The following ROBO2 variants were observed in gnomAD, a reference collection of about 807,000 sequenced individuals.
ROBO2 encodes the protein roundabout guidance receptor 2, also known as roundabout homolog 2.
In ROBO2, 53 loss-of-function variants were observed where a neutral mutation model predicts 160.8. That is an observed-to-expected ratio of 0.33 (90% CI 0.26 to 0.41). The LOEUF is 0.41. Among genes scored for constraint, ROBO2 ranks in the 10% least tolerant of loss-of-function variants. ROBO2 has a pLI of 1.00. For synonymous variants in ROBO2, 664 were observed against 611.7 expected, an observed-to-expected ratio of 1.09 and a Z score of -1.26; for missense variants, 1,577 against 1,722.4, an observed-to-expected ratio of 0.92 and a Z score of 1.49.
chr3:77,525,724 A>G (rs1388780557), intron 6 of ROBO2, among the ~76,000 whole-genome samples: 2 of 151,062 alleles, frequency 1.3e-5, no homozygotes, highest in East Asian at 1.9e-4. Flanking sequence ...GAATTATTCT[A>G]TAATAAAATA....
chr3:76,245,269 T>G (rs1458722239), intron 2 of ROBO2, among the ~76,000 whole-genome samples: 1 of 152,218 alleles, frequency 6.6e-6, no homozygotes, highest in East Asian at 1.9e-4. Flanking sequence ...GGCCAGAGCT[T>G]GAACCCTTTT....
chr3:77,399,605 T>C (rs1162860486), intron 2 of ROBO2, among the ~76,000 whole-genome samples: 2 of 152,144 alleles, frequency 1.3e-5, no homozygotes, highest in African/African-American at 4.8e-5. Context: ...AACATGTGGT[T>C]AGACCATATA....
intron 2 of ROBO2, among the ~76,000 whole-genome samples, chr3:76,376,836 G>C (rs2076370645): frequency 6.6e-6 from 1 of 152,102 alleles, no homozygotes; most frequent in African/African-American, 2.4e-5. Context: ...GAGGATTTTA[G>C]CTCCTGATCT....
intron 2 of ROBO2, among the ~76,000 whole-genome samples, chr3:76,446,171 T>C (rs113561278): frequency 0.046 from 7,009 of 152,248 alleles, 492 homozygotes; most frequent in African/African-American, 0.15. Context: ...CTCCTTAATC[T>C]GATAAGCAAC....
intron 2 of ROBO2, among the ~76,000 whole-genome samples, chr3:76,035,346 C>T (rs1017354481): frequency 1.3e-5 from 2 of 151,978 alleles, no homozygotes; most frequent in African/African-American, 4.8e-5. Flanking sequence ...TGTTCTAAGA[C>T]AGATGCATAA....
chr3:77,031,697 TATA>T (rs1408562473), intron 2 of ROBO2, among the ~76,000 whole-genome samples: 1 of 146,902 alleles, frequency 6.8e-6, no homozygotes, highest in Admixed American at 6.9e-5. Context: ...TTAATTATAA[TATA>T]ATACATTATA....
intron 2 of ROBO2, among the ~76,000 whole-genome samples, chr3:76,944,971 C>T (rs1404122001): frequency 6.6e-6 from 1 of 151,906 alleles, no homozygotes; most frequent in East Asian, 1.9e-4. Flanking sequence ...TCACTGCAAA[C>T]TCTGCCTCCC....
At chr3:76,485,341 A>T (rs2079437531) in intron 2 of ROBO2, among the ~76,000 whole-genome samples, 1 of 151,978 alleles carries the variant, frequency 6.6e-6, no homozygotes, top group Admixed American at 6.6e-5. Flanking sequence ...AATAGGGTTC[A>T]TGCCCCTGTG....
At chr3:76,146,938 T>C (rs1053158265) in intron 2 of ROBO2, among the ~76,000 whole-genome samples, 3 of 148,310 alleles carry the variant, frequency 2.0e-5, no homozygotes, top group Non-Finnish European at 4.5e-5. Flanking sequence ...ATACCCTGTA[T>C]AGAGGGGAAC....
chr3:77,632,633 A>G (rs1248288577), intron 23 of ROBO2: 1 of 1,535,286 alleles, frequency 6.5e-7, no homozygotes, highest in African/African-American at 1.4e-5. Context: ...TTTAGGCTGG[A>G]TGGAACCAGC....
chr3:77,146,543 G>T (rs746204479), intron 2 of ROBO2, among the ~76,000 whole-genome samples: 2 of 152,120 alleles, frequency 1.3e-5, no homozygotes, highest in African/African-American at 2.4e-5. Context: ...TTATAAATCA[G>T]ATGATGAATT....
At chr3:76,122,330 T>G (rs540579060) in intron 2 of ROBO2, among the ~76,000 whole-genome samples, 1 of 152,254 alleles carries the variant, frequency 6.6e-6, no homozygotes, top group African/African-American at 2.4e-5. Flanking sequence ...CAGAAGGTGA[T>G]TTGTGGATTG....
chr3:77,568,562 TA>T, intron 13 of ROBO2, 128 bp downstream of exon 14: 2 of 1,082,092 alleles, frequency 1.8e-6, no homozygotes, highest in South Asian at 2.6e-5. Context: ...TAATCAATGA[TA>T]GTAAAGAAAA....
intron 2 of ROBO2, among the ~76,000 whole-genome samples, chr3:77,289,201 T>A (rs763851631): frequency 2.6e-5 from 4 of 152,188 alleles, no homozygotes; most frequent in Non-Finnish European, 5.9e-5. Context: ...TGCTTGATAC[T>A]CTGAGATTGT....
chr3:77,118,225 T>C (rs2074393529), intron 2 of ROBO2, among the ~76,000 whole-genome samples: 1 of 152,178 alleles, frequency 6.6e-6, no homozygotes, highest in Non-Finnish European at 1.5e-5. Context: ...TCTCCTTTGA[T>C]ATCTCAGAGC....
intron 2 of ROBO2, among the ~76,000 whole-genome samples, chr3:76,072,755 A>G (rs2068504419): frequency 6.6e-6 from 1 of 152,176 alleles, no homozygotes; most frequent in South Asian, 2.1e-4. Flanking sequence ...AATGAAACAT[A>G]AGAGATGACA....
At chr3:76,672,558 TA>T (rs1389106266) in intron 2 of ROBO2, among the ~76,000 whole-genome samples, 3 of 152,096 alleles carry the variant, frequency 2.0e-5, no homozygotes, top group Non-Finnish European at 4.4e-5. Flanking sequence ...TAAGTAAAAA[TA>T]ATCAAGAGTG....
chr3:76,699,532 T>C (rs1448048702), intron 2 of ROBO2, among the ~76,000 whole-genome samples: 2 of 152,172 alleles, frequency 1.3e-5, no homozygotes, highest in Admixed American at 6.5e-5. Context: ...TAAATCTCCT[T>C]CTAACCCGTG....
At chr3:77,122,930 T>A (rs2074924373) in intron 2 of ROBO2, among the ~76,000 whole-genome samples, 1 of 152,136 alleles carries the variant, frequency 6.6e-6, no homozygotes, top group African/African-American at 2.4e-5. Context: ...CAGTCCTCCC[T>A]AGTAAGTCTG....
Sources: allele counts gnomAD v4.1 joint callset (sites outside exome capture counted in the v4.1 genomes callset), GRCh38; gene constraint gnomAD v4.1.1; transcripts MANE v1.5; gene names NCBI Gene and HGNC (gene_info 2026-07-23, HGNC 2026-07-21).